Variants in CACNA2D1 observed in about 807,000 individuals in gnomAD.
The protein encoded by CACNA2D1 is calcium voltage-gated channel auxiliary subunit alpha2delta 1.
Under a neutral mutation model 171.5 loss-of-function variants are expected in CACNA2D1, and 53 were observed. That is an observed-to-expected ratio of 0.31 (90% CI 0.25 to 0.39). The LOEUF (loss-of-function observed/expected upper bound fraction) is 0.39, where lower values mean the gene tolerates loss of function less well. Ranked by LOEUF, CACNA2D1 falls within the 10% of genes least tolerant of loss-of-function variation. The pLI is 1.00. For synonymous variants in CACNA2D1, 442 were observed against 443.1 expected (o/e 1.00, Z 0.03); for missense variants, 903 against 1,299.8 (o/e 0.69, Z 4.69).
chr7:82,413,156 T>C (rs2129455614), intron 1 of CACNA2D1, among the ~76,000 whole-genome samples: 1 of 152,324 alleles, frequency 6.6e-6, no homozygotes, highest in Admixed American at 6.5e-5. Flanking sequence ...CTCCAAGTAG[T>C]TCGTAATTGA....
chr7:82,196,512 A>G (rs1478861335), intron 3 of CACNA2D1, among the ~76,000 whole-genome samples: 1 of 152,046 alleles, frequency 6.6e-6, no homozygotes, highest in African/African-American at 2.4e-5. Context: ...TGCTGTGGAA[A>G]AAGATTCAAG....
chr7:82,089,663 A>G (rs911643339), intron 6 of CACNA2D1, among the ~76,000 whole-genome samples: 1 of 152,158 alleles, frequency 6.6e-6, no homozygotes, highest in South Asian at 2.1e-4. Flanking sequence ...AGAAAGAAAA[A>G]TCTAATTTGT....
At chr7:82,348,513 T>A (rs1819499805) in intron 2 of CACNA2D1, among the ~76,000 whole-genome samples, 1 of 152,208 alleles carries the variant, frequency 6.6e-6, no homozygotes, top group African/African-American at 2.4e-5. Flanking sequence ...CTGATCATTG[T>A]TATTCGCAGG....
intron 24 of CACNA2D1, among the ~76,000 whole-genome samples, chr7:81,978,063 C>T (rs187787273): frequency 2.2e-3 from 331 of 152,140 alleles, no homozygotes; most frequent in Non-Finnish European, 4.0e-3. Flanking sequence ...GTTAGAATGG[C>T]GATCATTGAA....
At chr7:82,442,617 G>A (rs746797699) in intron 1 of CACNA2D1, among the ~76,000 whole-genome samples, 1 of 152,150 alleles carries the variant, frequency 6.6e-6, no homozygotes, top group Non-Finnish European at 1.5e-5. Context: ...AGTTATTTTA[G>A]AAATGGTAAA....
Position 82,067,196 on chromosome 7 carries a change from A to C in CACNA2D1, c.659-672T>G, listed in dbSNP as rs757983749. ...AATTAATTTAAATCTATTCTAATTA[A>C]ATTGATACTTACTTTAATTAAAATG... On this transcript the variant is annotated intron_variant, in intron 7 of 38. Coordinates refer to ENST00000356860, the MANE Select transcript of CACNA2D1 (RefSeq NM_000722.4). 4.8e-4 allele frequency among the ~76,000 whole-genome samples: 73 copies of C among 152,298 alleles called. 1 individual carries two copies. In the Middle Eastern group the frequency reaches 0.01, roughly 21 times the overall value.
At chr7:82,051,492 A>AAGAC (rs1433641659) in intron 10 of CACNA2D1, among the ~76,000 whole-genome samples, 1 of 152,178 alleles carries the variant, frequency 6.6e-6, no homozygotes, top group African/African-American at 2.4e-5. Context: ...TAAAAAATCA[A>AAGAC]AGACAGTATT....
At chr7:82,163,038 T>C (rs1344438465) in intron 4 of CACNA2D1, among the ~76,000 whole-genome samples, 1 of 152,032 alleles carries the variant, frequency 6.6e-6, no homozygotes, top group Non-Finnish European at 1.5e-5. Flanking sequence ...GCCATTAATA[T>C]ATCTATAACT....
At chr7:81,975,576 A>G (rs1202701853) in intron 24 of CACNA2D1, among the ~76,000 whole-genome samples, 2 of 152,126 alleles carry the variant, frequency 1.3e-5, no homozygotes, top group African/African-American at 4.8e-5. Flanking sequence ...TAGTTGTAAC[A>G]TGGAATCTGA....
chr7:82,036,301 C>T (rs1367279936), intron 11 of CACNA2D1, among the ~76,000 whole-genome samples: 2 of 152,318 alleles, frequency 1.3e-5, no homozygotes, highest in East Asian at 3.9e-4. Context: ...TAAACACTTC[C>T]TTAACTGATA....
intron 3 of CACNA2D1, among the ~76,000 whole-genome samples, chr7:82,177,244 A>G (rs939744357): frequency 4.0e-5 from 6 of 151,758 alleles, no homozygotes; most frequent in Non-Finnish European, 5.9e-5. Flanking sequence ...AATCACCTTG[A>G]AGTTCACCTT....
intron 4 of CACNA2D1, among the ~76,000 whole-genome samples, chr7:82,150,257 T>TAAGA (rs1793673565): frequency 1.1e-5 from 1 of 92,848 alleles, no homozygotes; most frequent in African/African-American, 3.7e-5. Context: ...TAGATCAAAT[T>TAAGA]AAAAAAAAAA....
At chr7:82,034,522 G>T (rs1803069059) in intron 11 of CACNA2D1, among the ~76,000 whole-genome samples, 1 of 151,908 alleles carries the variant, frequency 6.6e-6, no homozygotes. Context: ...TTTCAACATG[G>T]CTGTTATCTT....
chr7:82,011,961 T>C (rs1169066553), intron 15 of CACNA2D1, 193 bp downstream of exon 15: 1 of 568,220 alleles, frequency 1.8e-6, no homozygotes, highest in Non-Finnish European at 3.1e-6. Context: ...CACTTTGCAT[T>C]TGTAGTTTTC....
rs143434109 is a variant in CACNA2D1 at position 82,064,793 on chromosome 7, AAT to A, written c.729-441_729-440del. On this transcript the variant is annotated intron_variant, in intron 8 of 38. Coordinates refer to ENST00000356860, the MANE Select transcript of CACNA2D1 (RefSeq NM_000722.4). ...CAAAAAGCAATATCAACAAAAAAGAAATATAACTGGCCAATAAAGAGATTAAA... is the reference window on the plus strand; with the variant it reads ...CAAAAAGCAATATCAACAAAAAAGAAATAACTGGCCAATAAAGAGATTAAA... Among the ~76,000 whole-genome samples the A allele has an allele frequency of 6.4e-3, 972 of 152,284 alleles. 9 individuals carry two copies. The highest frequency in any genetic ancestry group is 0.022 in the African/African-American group (927 of 41,578).
intron 1 of CACNA2D1, among the ~76,000 whole-genome samples, chr7:82,437,754 T>C (rs1415194491): frequency 3.9e-5 from 6 of 152,110 alleles, no homozygotes; most frequent in Non-Finnish European, 7.4e-5. Context: ...TTTTAAAAAC[T>C]GCTAAGAGTA....
At chr7:82,138,999 G>T (rs527489078) in intron 4 of CACNA2D1, among the ~76,000 whole-genome samples, 1 of 152,074 alleles carries the variant, frequency 6.6e-6, no homozygotes, top group Non-Finnish European at 1.5e-5. Flanking sequence ...ATGGGAACAC[G>T]TAGAAAACAA....
intron 1 of CACNA2D1, among the ~76,000 whole-genome samples, chr7:82,438,770 G>C (rs762637925): frequency 6.6e-6 from 1 of 152,088 alleles, no homozygotes; most frequent in Non-Finnish European, 1.5e-5. Flanking sequence ...ATGTGGAGGC[G>C]ATATAATAGA....
intron 3 of CACNA2D1, among the ~76,000 whole-genome samples, chr7:82,238,719 T>TA (rs1213659925): frequency 6.6e-6 from 1 of 152,124 alleles, no homozygotes; most frequent in Non-Finnish European, 1.5e-5. Context: ...GATCTTGACT[T>TA]AGACACTTTT....
Sources: allele counts gnomAD v4.1 joint callset (sites outside exome capture counted in the v4.1 genomes callset), GRCh38; gene constraint gnomAD v4.1.1; transcripts MANE v1.5; gene names NCBI Gene and HGNC (gene_info 2026-07-23, HGNC 2026-07-21).